Variants in FYB1 observed in about 807,000 individuals in gnomAD.
FYB1 encodes FYN-binding protein 1.
FYB1 carries 41 observed loss-of-function variants against 94.1 expected under a neutral mutation model. The ratio of observed to expected loss-of-function variants is 0.44; its 90% confidence interval spans 0.34 to 0.57. The LOEUF is 0.57. FYB1 is among the 20% of genes least tolerant of loss of function. The pLI, the probability that FYB1 is intolerant of heterozygous loss-of-function variation, is 0.02. For missense variants in FYB1, 1,050 were observed against 976.8 expected, an observed-to-expected ratio of 1.07 and a Z score of -1.00; for synonymous variants, 367 against 353.2, an observed-to-expected ratio of 1.04 and a Z score of -0.44.
chr5:39,218,272 T>C (rs915631488), intron 1 of FYB1, among the ~76,000 whole-genome samples: 2 of 152,226 alleles, frequency 1.3e-5, no homozygotes, highest in African/African-American at 2.4e-5. Context: ...CCTTTAATGG[T>C]ACATCATAAA....
At chr5:39,179,009 G>T (rs987854804) in intron 2 of FYB1, among the ~76,000 whole-genome samples, 1 of 152,112 alleles carries the variant, frequency 6.6e-6, no homozygotes, top group Non-Finnish European at 1.5e-5. Context: ...TGTAAATGTC[G>T]GCTTGTTTGT....
At chr5:39,123,116 T>C (rs1740283354) in intron 13 of FYB1, among the ~76,000 whole-genome samples, 1 of 152,118 alleles carries the variant, frequency 6.6e-6, no homozygotes, top group South Asian at 2.1e-4. Context: ...TATTAATTAC[T>C]CTACAGTCAA....
At chr5:39,193,385 A>G (rs1189870325) in intron 2 of FYB1, among the ~76,000 whole-genome samples, 1 of 152,226 alleles carries the variant, frequency 6.6e-6, no homozygotes, top group African/African-American at 2.4e-5. Context: ...CAAGTTAAAA[A>G]TACTAAAAAA....
At chr5:39,119,744 A>C in intron 14 of FYB1, 110 bp from the exon 15 acceptor site, 4 of 1,251,756 alleles carry the variant, frequency 3.2e-6, no homozygotes, top group Non-Finnish European at 4.1e-6. Flanking sequence ...TGTTTCAGTT[A>C]ATTCTTTTTG....
At chr5:39,139,073 C>T (rs1741915035) in intron 5 of FYB1, 160 bp downstream of exon 5, 1 of 782,410 alleles carries the variant, frequency 1.3e-6, no homozygotes, top group Non-Finnish European at 1.9e-6. Flanking sequence ...TAGTGTGTAA[C>T]ATCTTAAGCA....
At chr5:39,271,078 T>C (rs928164392) in intron 1 of FYB1, among the ~76,000 whole-genome samples, 35 of 152,074 alleles carry the variant, frequency 2.3e-4, no homozygotes, top group African/African-American at 7.2e-4. Context: ...CTATCTTGGG[T>C]ATATAGCACT....
chr5:39,272,991 A>T (rs1348153640), intron 1 of FYB1, among the ~76,000 whole-genome samples: 1 of 152,100 alleles, frequency 6.6e-6, no homozygotes, highest in Non-Finnish European at 1.5e-5. Flanking sequence ...GAAGTTCCCC[A>T]CCCGGCCGGC....
At chr5:39,205,183 A>G (rs1338175974) in intron 1 of FYB1, among the ~76,000 whole-genome samples, 2 of 152,220 alleles carry the variant, frequency 1.3e-5, no homozygotes, top group African/African-American at 2.4e-5. Flanking sequence ...TTTATTCTAG[A>G]CTTAATTCCA....
At chr5:39,148,380 G>GTTTT (rs1561176115) in intron 3 of FYB1, among the ~76,000 whole-genome samples, 9 of 66,464 alleles carry the variant, frequency 1.4e-4, no homozygotes, top group South Asian at 5.7e-4. Context: ...ATTATCAGCA[G>GTTTT]GTTTTTTTTT....
At chr5:39,190,490 G>A (rs1008827382) in intron 2 of FYB1, among the ~76,000 whole-genome samples, 25 of 152,236 alleles carry the variant, frequency 1.6e-4, no homozygotes, top group Middle Eastern at 3.4e-3. Context: ...CCTAGTGGGA[G>A]AACTGGACAC....
intron 1 of FYB1, among the ~76,000 whole-genome samples, chr5:39,241,281 T>C (rs1351325817): frequency 6.6e-6 from 1 of 152,168 alleles, no homozygotes; most frequent in Admixed American, 6.6e-5. Context: ...AGTTTACCTA[T>C]GTAACAAACC....
intron 2 of FYB1, among the ~76,000 whole-genome samples, chr5:39,197,197 A>C (rs574329827): frequency 2.6e-5 from 4 of 152,250 alleles, no homozygotes; most frequent in African/African-American, 4.8e-5. Context: ...GAGTCTCTGC[A>C]TTCACTGAGC....
chr5:39,123,105 A>G (rs1412348555), intron 13 of FYB1, among the ~76,000 whole-genome samples: 1 of 152,150 alleles, frequency 6.6e-6, no homozygotes, highest in Non-Finnish European at 1.5e-5. Context: ...CTCCCTGCAC[A>G]TATTAATTAC....
At chr5:39,232,657 A>G (rs1384511071) in intron 1 of FYB1, among the ~76,000 whole-genome samples, 1 of 151,034 alleles carries the variant, frequency 6.6e-6, no homozygotes, top group Non-Finnish European at 1.5e-5. Context: ...ATGCTGGTGC[A>G]CTGCACCCAC....
intron 2 of FYB1, among the ~76,000 whole-genome samples, chr5:39,180,915 T>C (rs1441923487): frequency 6.6e-6 from 1 of 152,226 alleles, no homozygotes; most frequent in Non-Finnish European, 1.5e-5. Flanking sequence ...CCTAAGAGAT[T>C]ATATAAAAGA....
At chr5:39,211,369 G>T (rs1401737098) in intron 1 of FYB1, among the ~76,000 whole-genome samples, 1 of 145,512 alleles carries the variant, frequency 6.9e-6, no homozygotes, top group Non-Finnish European at 1.5e-5. Flanking sequence ...CGCCCAGGCT[G>T]CAGTGCAGTG....
intron 2 of FYB1, among the ~76,000 whole-genome samples, chr5:39,187,144 C>T (rs1004897764): frequency 6.6e-6 from 1 of 152,212 alleles, no homozygotes; most frequent in Non-Finnish European, 1.5e-5. Context: ...GTTCTCCTAT[C>T]AACTTCAAAG....
At chr5:39,258,337 C>T (rs981012058) in intron 1 of FYB1, among the ~76,000 whole-genome samples, 3 of 152,134 alleles carry the variant, frequency 2.0e-5, no homozygotes, top group Non-Finnish European at 4.4e-5. Flanking sequence ...TGGTGGCTCA[C>T]ACCTGTAATC....
chr5:39,200,828 G>A (rs1011349478), intron 2 of FYB1, among the ~76,000 whole-genome samples: 14 of 152,144 alleles, frequency 9.2e-5, no homozygotes, highest in Non-Finnish European at 1.8e-4. Context: ...AGAAAGATGC[G>A]ACTACAAGTA....
Sources: gnomAD v4.1 joint callset for allele counts (sites outside exome capture counted in the v4.1 genomes callset) on GRCh38, gnomAD v4.1.1 for gene constraint, MANE v1.5 for transcripts, NCBI Gene and HGNC (gene_info 2026-07-23, HGNC 2026-07-21) for gene names.